The following IL12RB2 variants were observed in gnomAD, a reference collection of about 807,000 sequenced individuals.
IL12RB2 encodes interleukin-12 receptor subunit beta-2.
Under a neutral mutation model 89.4 loss-of-function variants are expected in IL12RB2, and 82 were observed. The observed-to-expected ratio is 0.92, with a 90% CI of 0.77 to 1.10. The LOEUF is 1.10. Ranked by LOEUF, IL12RB2 falls within the 50% of genes least tolerant of loss-of-function variation. IL12RB2 has a pLI of 0.00. For missense variants in IL12RB2, 963 were observed against 1,031.9 expected, an observed-to-expected ratio of 0.93 and a Z score of 0.92; for synonymous variants, 368 against 370.1, an observed-to-expected ratio of 0.99 and a Z score of 0.07.
At position 67,330,689 on chromosome 1, in the gene IL12RB2, T is replaced by C. The variant is rs767898172; in HGVS notation, c.837T>C (p.His279=). 14 of 1,559,756 alleles carry C rather than the reference T, an allele frequency of 9.0e-6. No homozygotes were observed. The highest frequency in any genetic ancestry group is 1.1e-5 in the Non-Finnish European group (13 of 1,130,602). ...ATGTTACAAAGGCCAAAGGAAGACATGATTTGCTGGATCTGAAACCATTTA... is the reference window on the plus strand; with the variant it reads ...ATGTTACAAAGGCCAAAGGAAGACACGATTTGCTGGATCTGAAACCATTTA... ...MVNVTKAKGR[H]DLLDLKPFTE... Residue 279 remains histidine, a synonymous_variant, in exon 8 of 17, where the codon CAT becomes CAC. Transcript: ENST00000674203.
In IL12RB2 at chr1:67,341,561, A is replaced by AAG. The variant is rs1375373602; in HGVS notation, c.1038+2860_1038+2861dup. Among the ~76,000 whole-genome samples, 867 of 142,118 alleles carry AAG rather than the reference A, an allele frequency of 6.1e-3. 5 individuals carry two copies. The highest frequency in any genetic ancestry group is 0.012 in the African/African-American group (457 of 38,490). 93.2% of individuals were successfully genotyped at this position (142,118 alleles called of 152,430 possible). ...AAAGAAAGAAAGAAAGAAAGAAAGA[A>AAG]AGAAAGAAAGAAAGAAAGAAAGAAA... is the stretch of plus-strand genomic sequence containing the variant. On this transcript the variant is annotated intron_variant, in intron 9 of 16. Coordinates refer to ENST00000674203, the MANE Select transcript of IL12RB2 (RefSeq NM_001374259.2).
At chr1:67,350,158 A>G (rs1000890476) in intron 9 of IL12RB2, among the ~76,000 whole-genome samples, 5 of 152,248 alleles carry the variant, frequency 3.3e-5, no homozygotes, top group Non-Finnish European at 7.3e-5. Context: ...GCTAGACTTG[A>G]CAACTCTCCA....
intron 10 of IL12RB2, among the ~76,000 whole-genome samples, chr1:67,363,214 T>A (rs1273993247): frequency 1.1e-4 from 10 of 87,882 alleles, no homozygotes; most frequent in South Asian, 3.7e-4. Flanking sequence ...TATTCTTATT[T>A]TTTTTTTTTT....
chr1:67,394,496 C>A (rs1056286460), intron 16 of IL12RB2, among the ~76,000 whole-genome samples: 1 of 152,026 alleles, frequency 6.6e-6, no homozygotes, highest in Non-Finnish European at 1.5e-5. Flanking sequence ...AATTAAGTAA[C>A]AAAAGTATAA....
rs1188638178 is a variant in IL12RB2 at position 67,390,075 on chromosome 1, G to A, written c.1993G>A (p.Glu665Lys). The stretch of plus-strand genomic sequence containing the variant: ...CCTCAGACCTCAGTGGTGTAGCAGA[G>A]AAATTCCAGATCCAGCAAATAGCAC... ...AALRPQWCSR[E>K]IPDPANSTCA... The change falls in exon 16 of 17, where the codon GAA (glutamate) becomes AAA (lysine). Residue 665 changes from glutamate to lysine, a missense_variant. Glu to Lys is a moderately conservative substitution (Grantham distance 56). Transcript: ENST00000674203. 1 of 1,410,462 alleles carries A rather than the reference G, an allele frequency of 7.1e-7. No individual in the cohort carries two copies. The highest frequency in any genetic ancestry group is 1.2e-5 in the South Asian group (1 of 86,956). 87.4% of individuals were successfully genotyped at this position (1,410,462 alleles called of 1,614,324 possible). A position where few individuals can be genotyped will look rare whatever the true frequency, so the allele number is the denominator to read the frequency against.
At chr1:67,368,821 C>T (rs1260636057) in intron 11 of IL12RB2, among the ~76,000 whole-genome samples, 1 of 152,170 alleles carries the variant, frequency 6.6e-6, no homozygotes, top group Admixed American at 6.5e-5. Flanking sequence ...ATAATATTAC[C>T]TACCTCGTTG....
At chr1:67,345,982 A>T (rs572583978) in intron 9 of IL12RB2, among the ~76,000 whole-genome samples, 20 of 152,282 alleles carry the variant, frequency 1.3e-4, no homozygotes, top group African/African-American at 4.6e-4. Flanking sequence ...CAAGATAGAA[A>T]TCATTATGCC....
Position 67,321,811 on chromosome 1 carries a change from A to G in IL12RB2, c.286A>G (p.Thr96Ala), listed in dbSNP as rs531958708. The change falls in exon 4 of 17, where the codon ACA (threonine) becomes GCA (alanine). Residue 96 changes from threonine (T) to alanine (A), a missense_variant. Transcript: ENST00000674203. ...NSQVTGLPLG[T>A]TLFVCKLACI... ...TCAAGTCACAGGTCTTCCCCTTGGTACAACCTTGTTTGTCTGCAAACTGGC... is the reference window on the plus strand; with the variant it reads ...TCAAGTCACAGGTCTTCCCCTTGGTGCAACCTTGTTTGTCTGCAAACTGGC... 5.0e-6 allele frequency: 8 copies of G among 1,613,024 alleles called. No individual in the cohort carries two copies. The South Asian group carries it at 7.7e-5, about 16-fold the overall frequency.
At chr1:67,323,244 G>A (rs1046749306) in intron 4 of IL12RB2, among the ~76,000 whole-genome samples, 3 of 152,166 alleles carry the variant, frequency 2.0e-5, no homozygotes, top group African/African-American at 7.2e-5. Context: ...GTAGGAAGGA[G>A]GTATAAACTA....
chr1:67,313,177 T>A (rs553048822), intron 1 of IL12RB2, among the ~76,000 whole-genome samples: 1 of 152,306 alleles, frequency 6.6e-6, no homozygotes, highest in East Asian at 1.9e-4. Context: ...AATTGGTAAC[T>A]TGATTTGATT....
chr1:67,364,958 C>G (rs184630419), intron 10 of IL12RB2, among the ~76,000 whole-genome samples: 1 of 152,030 alleles, frequency 6.6e-6, no homozygotes, highest in African/African-American at 2.4e-5. Context: ...ATGCAATGTC[C>G]GCTCCCAGAC....
rs562414143 is a variant in IL12RB2 at position 67,344,801 on chromosome 1, C to CAAGGG, written c.1039-6068_1039-6064dup. Among the ~76,000 whole-genome samples the CAAGGG allele has an allele frequency of 2.7e-3, 406 of 152,304 alleles. 2 individuals are homozygous for CAAGGG. The highest frequency in any genetic ancestry group is 9.4e-3 in the African/African-American group (392 of 41,566). On this transcript the variant is annotated intron_variant, in intron 9 of 16. Transcript: ENST00000674203. ...ATCTTGGCTCGGACTAGCCATGTTT[C>CAAGGG]AAGGGCTCCATGACTTCCTACAGCT...
At chr1:67,388,846 C>T (rs1228481330) in intron 15 of IL12RB2, among the ~76,000 whole-genome samples, 2 of 152,180 alleles carry the variant, frequency 1.3e-5, no homozygotes, top group Non-Finnish European at 2.9e-5. Flanking sequence ...TGACCTCTAA[C>T]TCAAAGTCAT....
rs543310183 is a variant in IL12RB2, at chr1:67,321,738, C to G, written c.213C>G (p.Tyr71Ter). ...CCAGACGTAACAAGTTAATCCTGTA[C>G]AAGTTTGACAGAAGAATCAATTTTC... Reference protein sequence around the residue: ...HYSRRNKLILYKFDRRINFHH... With the variant: ...HYSRRNKLIL Residue 71 changes from tyrosine (Y) to a stop codon, truncating the protein, a stop_gained, in exon 4 of 17, where the codon TAC (tyrosine) becomes TAG (stop). Coordinates refer to ENST00000674203, the MANE Select transcript of IL12RB2 (RefSeq NM_001374259.2). LOFTEE classifies it high-confidence loss of function. 2 of 1,612,614 alleles carry G rather than the reference C, an allele frequency of 1.2e-6. No homozygotes were observed. The highest frequency in any genetic ancestry group is 1.1e-5 in the South Asian group (1 of 91,044).
At chr1:67,368,223 C>G (rs765418546) in intron 11 of IL12RB2, among the ~76,000 whole-genome samples, 198 bp downstream of exon 11, 1 of 152,176 alleles carries the variant, frequency 6.6e-6, no homozygotes, top group Non-Finnish European at 1.5e-5. Flanking sequence ...ACTAAAAGCT[C>G]TCTTATTTAT....
At chr1:67,380,978 G>A (rs1335528060) in intron 14 of IL12RB2, among the ~76,000 whole-genome samples, 2 of 152,110 alleles carry the variant, frequency 1.3e-5, no homozygotes, top group Non-Finnish European at 2.9e-5. Flanking sequence ...GGGGGTTTAG[G>A]ACTTCAACAT....
At chr1:67,350,392 ATCT>A (rs1378877750) in intron 9 of IL12RB2, among the ~76,000 whole-genome samples, 1 of 152,134 alleles carries the variant, frequency 6.6e-6, no homozygotes, top group Non-Finnish European at 1.5e-5. Context: ...GCTCTTGAAA[ATCT>A]TCTGTTTGAT....
At chr1:67,386,438 G>T in intron 14 of IL12RB2, 141 bp from the exon 15 acceptor site, 1 of 731,934 alleles carries the variant, frequency 1.4e-6, no homozygotes, top group Admixed American at 1.9e-5. Flanking sequence ...GCACTGCATA[G>T]ACAAAAGTGA....
intron 13 of IL12RB2, among the ~76,000 whole-genome samples, chr1:67,379,003 G>A (rs1362660780): frequency 6.6e-6 from 1 of 152,008 alleles, no homozygotes; most frequent in African/African-American, 2.4e-5. Flanking sequence ...TTCAAGATTA[G>A]CCTGGCCAAC....
Sources: allele counts gnomAD v4.1 joint callset (sites outside exome capture counted in the v4.1 genomes callset), GRCh38; gene constraint gnomAD v4.1.1; transcripts MANE v1.5; gene names NCBI Gene and HGNC (gene_info 2026-07-23, HGNC 2026-07-21).